ANK3: variants seen among roughly 807,000 people sequenced by gnomAD.
The protein encoded by ANK3 is ankyrin-3.
Under a neutral mutation model 370.9 loss-of-function variants are expected in ANK3, and 57 were observed. That is an observed-to-expected ratio of 0.15 (90% confidence interval 0.12 to 0.19). ANK3 has a LOEUF of 0.19. ANK3 is among the 10% of genes least tolerant of loss of function. ANK3 has a pLI of 1.00. For missense variants in ANK3, 4,439 were observed against 5,302.1 expected (o/e 0.84, Z 5.06); for synonymous variants, 1,929 against 1,946.3 (o/e 0.99, Z 0.23).
At chr10:60,619,990 T>C (rs2078314088) in intron 1 of ANK3, among the ~76,000 whole-genome samples, 1 of 152,194 alleles carries the variant, frequency 6.6e-6, no homozygotes, top group African/African-American at 2.4e-5. Context: ...AATAATCTCT[T>C]CTGGTAACAA....
chr10:60,572,320 T>A, intron 2 of ANK3: 1 of 777,380 alleles, frequency 1.3e-6, no homozygotes, highest in South Asian at 1.9e-5. Flanking sequence ...ACACACCCAT[T>A]AATAGACTGG....
At chr10:60,629,275 A>G (rs939884856) in intron 1 of ANK3, among the ~76,000 whole-genome samples, 2 of 152,206 alleles carry the variant, frequency 1.3e-5, no homozygotes, top group Non-Finnish European at 2.9e-5. Flanking sequence ...AATTTTTAGT[A>G]TCTCCAGAGA....
At chr10:60,615,199 C>T (rs1025353993) in exon 2 of ANK3, 19 of 1,515,612 alleles carry the variant, frequency 1.3e-5, no homozygotes, top group African/African-American at 5.6e-5. Flanking sequence ...TCTAGAGCTT[C>T]GTGAATAATC....
intron 2 of ANK3, among the ~76,000 whole-genome samples, chr10:60,460,951 C>T (rs1424398726): frequency 6.6e-6 from 1 of 152,134 alleles, no homozygotes; most frequent in Admixed American, 6.6e-5. Context: ...AATAATTTCA[C>T]TTTGCAGAGA....
intron 1 of ANK3, among the ~76,000 whole-genome samples, chr10:60,636,118 A>G (rs551600616): frequency 8.5e-4 from 120 of 140,450 alleles, no homozygotes; most frequent in Admixed American, 1.4e-3. Flanking sequence ...TATTAAAAGA[A>G]TCTTTGGCAA....
chr10:60,668,066 T>C (rs1231439903), intron 1 of ANK3, among the ~76,000 whole-genome samples: 1 of 151,516 alleles, frequency 6.6e-6, no homozygotes, highest in Non-Finnish European at 1.5e-5. Flanking sequence ...AGAATCACAC[T>C]TTAAAGACCA....
chr10:60,695,166 G>T (rs1446206566), intron 1 of ANK3, among the ~76,000 whole-genome samples: 2 of 152,044 alleles, frequency 1.3e-5, no homozygotes, highest in Non-Finnish European at 2.9e-5. Context: ...ATTACATAAT[G>T]GTAAAGGGAC....
In ANK3 at chr10:60,590,338, C is replaced by G. The variant is rs536141042; in HGVS notation, c.96+24848G>C. Among the ~76,000 whole-genome samples the G allele has an allele frequency of 3.0e-3, 460 of 152,270 alleles. 6 individuals are homozygous for G. The highest frequency in any genetic ancestry group is 0.011 in the African/African-American group (440 of 41,576). On this transcript the variant is annotated intron_variant, in intron 2 of 43. Transcript: ENST00000373827. Reference sequence around the variant, plus strand: ...TCTCTTCAATAATTACTTATACTTACTACATGTTGTAATGATAATATTTTG... The same window carrying G: ...TCTCTTCAATAATTACTTATACTTAGTACATGTTGTAATGATAATATTTTG...
At chr10:60,051,581 T>C in intron 42 of ANK3, 1 of 971,556 alleles carries the variant, frequency 1.0e-6, no homozygotes, top group Non-Finnish European at 1.2e-6. Context: ...GCATTTTTAG[T>C]ATAATTTTAC....
At chr10:60,323,796 G>A (rs1163344797) in intron 1 of ANK3, among the ~76,000 whole-genome samples, 2 of 152,152 alleles carry the variant, frequency 1.3e-5, no homozygotes, top group Non-Finnish European at 2.9e-5. Context: ...GGAAAGAGGT[G>A]TCCTAGAAGT....
intron 2 of ANK3, among the ~76,000 whole-genome samples, chr10:60,539,851 T>C (rs2076807162): frequency 6.6e-6 from 1 of 151,928 alleles, no homozygotes; most frequent in Admixed American, 6.6e-5. Flanking sequence ...CCTGGTATTA[T>C]GGCAATGAAT....
Position 60,085,249 on chromosome 10 carries a change from G to C in ANK3, c.3753C>G (p.Gly1251=). The C allele has an allele frequency of 1.2e-6, 2 of 1,610,326 alleles. No homozygotes were observed. The highest frequency in any genetic ancestry group is 8.5e-7 in the Non-Finnish European group (1 of 1,178,392). ...TGTCTTCCCACTGAGCAGGCGAAGTGCCCCCTGAGAGAACAACAGCAGATA... is the reference window on the plus strand; with the variant it reads ...TGTCTTCCCACTGAGCAGGCGAAGTCCCCCCTGAGAGAACAACAGCAGATA... ...NLRLLCSITG[G]TSPAQWEDIT... Residue 1251 remains glycine, a synonymous_variant, in exon 31 of 44, where the codon GGC becomes GGG. Coordinates refer to ENST00000280772, the MANE Select transcript of ANK3 (RefSeq NM_020987.5).
chr10:60,617,023 T>C (rs750395915), intron 1 of ANK3, among the ~76,000 whole-genome samples: 1 of 152,202 alleles, frequency 6.6e-6, no homozygotes. Context: ...TGGGTTTCTA[T>C]TGATTTATAA....
chr10:60,365,436 A>C (rs1275272923), intron 1 of ANK3, among the ~76,000 whole-genome samples: 1 of 152,202 alleles, frequency 6.6e-6, no homozygotes, highest in Non-Finnish European at 1.5e-5. Context: ...AATAAAGGGC[A>C]ATCAATCTGC....
chr10:60,104,405 G>GAAAGAAAAGA (rs71015766), intron 28 of ANK3, among the ~76,000 whole-genome samples: 1,406 of 87,948 alleles, frequency 0.016, 56 homozygotes, highest in African/African-American at 0.068. Context: ...AACAAAGAAA[G>GAAAGAAAAGA]AAAGAAAAGA....
intron 2 of ANK3, among the ~76,000 whole-genome samples, chr10:60,504,075 A>T (rs1332682079): frequency 6.6e-6 from 1 of 152,240 alleles, no homozygotes; most frequent in Non-Finnish European, 1.5e-5. Context: ...AAGGTCTGTA[A>T]GCAAACCAAA....
chr10:60,208,289 C>A, intron 9 of ANK3, 56 bp from the exon 10 acceptor site: 1 of 1,506,782 alleles, frequency 6.6e-7, no homozygotes, highest in Non-Finnish European at 9.2e-7. Context: ...CACAAATGTG[C>A]AGAACACAAA....
At chr10:60,286,118 C>G (rs1273938860) in intron 1 of ANK3, among the ~76,000 whole-genome samples, 1 of 152,160 alleles carries the variant, frequency 6.6e-6, no homozygotes, top group Non-Finnish European at 1.5e-5. Flanking sequence ...TAAACACCCA[C>G]ATACCCTCTT....
At chr10:60,405,034 G>A (rs147985648) in intron 2 of ANK3, among the ~76,000 whole-genome samples, 177 of 152,240 alleles carry the variant, frequency 1.2e-3, no homozygotes, top group Non-Finnish European at 2.0e-3. Context: ...CCAAATGTTG[G>A]CAAGGATGTA....
Sources: gnomAD v4.1 joint callset for allele counts (sites outside exome capture counted in the v4.1 genomes callset) on GRCh38, gnomAD v4.1.1 for gene constraint, MANE v1.5 for transcripts, NCBI Gene and HGNC (gene_info 2026-07-23, HGNC 2026-07-21) for gene names.